NUAK1: variants seen among roughly 807,000 people sequenced by gnomAD.
NUAK1 encodes the protein NUAK family kinase 1, also known as NUAK family SNF1-like kinase 1.
Under a neutral mutation model 56.9 loss-of-function variants are expected in NUAK1, and 26 were observed. That is an observed-to-expected ratio of 0.46 (90% CI 0.33 to 0.63). NUAK1 has a LOEUF of 0.63. Among genes scored for constraint, NUAK1 ranks in the 30% least tolerant of loss-of-function variants. NUAK1 has a pLI of 0.02. For synonymous variants in NUAK1, 337 were observed against 336.0 expected, an observed-to-expected ratio of 1.00 and a Z score of -0.03; for missense variants, 727 against 876.1, an observed-to-expected ratio of 0.83 and a Z score of 2.15.
At position 106,083,826 on chromosome 12, in the gene NUAK1, C is replaced by T. The variant is rs765520077; in HGVS notation, c.579+38G>A. The stretch of plus-strand genomic sequence containing the variant: ...TAAGCCTCCATCCGGCTGCAAGACC[C>T]AGGCCCTGCATATCAATCGACGACG... On this transcript the variant is annotated intron_variant, in intron 4 of 6. Transcript: ENST00000261402. 4 of 1,575,884 alleles carry T rather than the reference C, an allele frequency of 2.5e-6. No individual in the cohort carries two copies. In the South Asian group the frequency reaches 4.4e-5, roughly 17 times the overall value.
At chr12:106,127,770 G>C (rs1045569589) in intron 1 of NUAK1, among the ~76,000 whole-genome samples, 1 of 152,080 alleles carries the variant, frequency 6.6e-6, no homozygotes, top group Admixed American at 6.5e-5. Context: ...CTCTTCCTAC[G>C]AGCTGGAAGG....
chr12:106,129,560 G>A (rs111438562), intron 1 of NUAK1, among the ~76,000 whole-genome samples: 204 of 152,294 alleles, frequency 1.3e-3, no homozygotes, highest in Admixed American at 4.5e-3. Context: ...GGAAGTGGTG[G>A]TCTGAAGACC....
intron 2 of NUAK1, among the ~76,000 whole-genome samples, chr12:106,102,258 G>T (rs2136469894): frequency 6.6e-6 from 1 of 152,294 alleles, no homozygotes; most frequent in South Asian, 2.1e-4. Flanking sequence ...GAATGCCTTT[G>T]AGAGTCTGAT....
intron 4 of NUAK1, among the ~76,000 whole-genome samples, chr12:106,077,323 A>G (rs2032474497): frequency 6.6e-6 from 1 of 152,218 alleles, no homozygotes; most frequent in Admixed American, 6.5e-5. Flanking sequence ...CCCACCTCAC[A>G]TAGGTAAGAA....
rs940144792 is a variant in NUAK1, at chr12:106,120,436, C to T, written c.241-13911G>A. Among the ~76,000 whole-genome samples, 4 of 151,986 alleles carry T rather than the reference C, an allele frequency of 2.6e-5. No homozygotes were observed. The East Asian group carries it at 7.7e-4, about 29-fold the overall frequency. ...TTTTTATTATTATAATAATAACGAA[C>T]AGACGTTATGCAGAGGCGTGTGCAA... On this transcript the variant is annotated intron_variant, in intron 1 of 6. Transcript: ENST00000261402.
Position 106,065,309 on chromosome 12 carries a change from G to C in NUAK1, c.*1493C>G, listed in dbSNP as rs2032324452. 6.6e-6 allele frequency: 1 copy of C among 152,002 alleles called. No homozygotes were observed. The highest frequency in any genetic ancestry group is 2.4e-5 in the African/African-American group (1 of 41,378). The allele number at this position is 152,002 out of a possible 1,614,324, so 9.4% of individuals were successfully genotyped here. ...CATATCTAGTTTTTTGTTTTGTTTT[G>C]TTTTGTTTTGTTTACTTTTTAAGAT... On this transcript the variant is annotated 3_prime_UTR_variant, in exon 7 of 7. Coordinates refer to ENST00000261402, the MANE Select transcript of NUAK1 (RefSeq NM_014840.3).
At chr12:106,107,711 C>G (rs1329240227) in intron 1 of NUAK1, among the ~76,000 whole-genome samples, 1 of 152,226 alleles carries the variant, frequency 6.6e-6, no homozygotes, top group Admixed American at 6.5e-5. Context: ...CTTTTAGGAG[C>G]ACGTGCTACT....
At chr12:106,133,065 T>A (rs767151392) in intron 1 of NUAK1, among the ~76,000 whole-genome samples, 1 of 152,170 alleles carries the variant, frequency 6.6e-6, no homozygotes, top group Non-Finnish European at 1.5e-5. Flanking sequence ...TTATAAGCAC[T>A]CAAGAAGTAT....
At chr12:106,132,146 A>G (rs1420439381) in intron 1 of NUAK1, among the ~76,000 whole-genome samples, 1 of 152,206 alleles carries the variant, frequency 6.6e-6, no homozygotes, top group East Asian at 1.9e-4. Flanking sequence ...TAACAAATGC[A>G]TGTGCAAACG....
At position 106,066,442 on chromosome 12, in the gene NUAK1, C is replaced by A. The variant is rs369663819; in HGVS notation, c.*360G>T. On this transcript the variant is annotated 3_prime_UTR_variant, in exon 7 of 7. Coordinates refer to ENST00000261402, the MANE Select transcript of NUAK1 (RefSeq NM_014840.3). ...AGGCAAACAGCCCAAGTGTCTCCTG[C>A]CCCTCCTCCAGAAGCATCTGGATGA... The A allele has an allele frequency of 1.2e-3, 273 of 226,512 alleles. 1 individual carries two copies. The highest frequency in any genetic ancestry group is 6.1e-3 in the African/African-American group (259 of 42,802). The allele number at this position is 226,512 out of a possible 1,614,324, so 14.0% of individuals were successfully genotyped here. A position where few individuals can be genotyped will look rare whatever the true frequency, so the allele number is the denominator to read the frequency against.
chr12:106,104,964 T>A lies in NUAK1; in HGVS notation c.361+1441A>T, dbSNP rs141472865. Among the ~76,000 whole-genome samples the A allele has an allele frequency of 1.4e-3, 208 of 152,036 alleles. 1 individual carries two copies. Among genetic ancestry groups the A allele is most frequent in the African/African-American group, 4.8e-3 (200 of 41,478 alleles). On this transcript the variant is annotated intron_variant, in intron 2 of 6. Transcript: ENST00000261402. ...AAAAATAAGTTCATTTTTCTTTTTT[T>A]TTTTTTTTAAACAGAGTCTCACTCT...
chr12:106,084,693 GCTGTCGGTCTACACAGCAGTAAACA>G (rs2032554451), intron 3 of NUAK1, among the ~76,000 whole-genome samples: 1 of 151,890 alleles, frequency 6.6e-6, no homozygotes. Flanking sequence ...CAGCCAATAG[GCTGTCGGTCTACACAGCAGTAAACA>G]CTAGCCTTCT....
rs1167251317 is a variant in NUAK1, at chr12:106,065,309, GT to G, written c.*1492del. ...CATATCTAGTTTTTTGTTTTGTTTT[GT>G]TTTGTTTTGTTTACTTTTTAAGATA... On this transcript the variant is annotated 3_prime_UTR_variant, in exon 7 of 7. Coordinates refer to ENST00000261402, the MANE Select transcript of NUAK1 (RefSeq NM_014840.3). 1 of 152,002 alleles carries G rather than the reference GT, an allele frequency of 6.6e-6. No individual in the cohort carries two copies. The highest frequency in any genetic ancestry group is 1.5e-5 in the Non-Finnish European group (1 of 67,992). The allele number at this position is 152,002 out of a possible 1,614,324, so 9.4% of individuals were successfully genotyped here. A position where few individuals can be genotyped will look rare whatever the true frequency, so the allele number is the denominator to read the frequency against.
At chr12:106,082,193 C>T (rs1034800989) in intron 4 of NUAK1, among the ~76,000 whole-genome samples, 1 of 152,254 alleles carries the variant, frequency 6.6e-6, no homozygotes, top group Non-Finnish European at 1.5e-5. Context: ...CTCCTTGAAA[C>T]AAAAATGAAC....
At chr12:106,082,038 G>A (rs1236536421) in intron 4 of NUAK1, among the ~76,000 whole-genome samples, 4 of 152,210 alleles carry the variant, frequency 2.6e-5, no homozygotes, top group Non-Finnish European at 5.9e-5. Flanking sequence ...CCTCTCCAGT[G>A]GCCAGCCACT....
intron 1 of NUAK1, among the ~76,000 whole-genome samples, chr12:106,132,941 CTG>C (rs1052045611): frequency 1.3e-5 from 2 of 152,192 alleles, no homozygotes; most frequent in Non-Finnish European, 2.9e-5. Flanking sequence ...CTGCTGCTGC[CTG>C]TGACCTTGAG....
chr12:106,067,426 G>C lies in NUAK1; in HGVS notation c.1362C>G (p.Leu454=). ...SSPEAEVPGK[L]SPKQSATMPK... is the part of the protein sequence containing the mutation. ...GCATCGTGGCCGACTGCTTGGGGCTGAGTTTTCCCGGCACCTCTGCCTCTG... is the reference window on the plus strand; with the variant it reads ...GCATCGTGGCCGACTGCTTGGGGCTCAGTTTTCCCGGCACCTCTGCCTCTG... Residue 454 remains leucine, a synonymous_variant, in exon 7 of 7, where the codon CTC becomes CTG. Transcript: ENST00000261402. This position sits in a 1 kb window ranked among gnomAD's most constrained non-coding sequence, Gnocchi z 6.0. The C allele has an allele frequency of 1.2e-6, 2 of 1,614,206 alleles. No individual in the cohort carries two copies. The highest frequency in any genetic ancestry group is 2.2e-5 in the South Asian group (2 of 91,082).
intron 3 of NUAK1, 89 bp downstream of exon 3, chr12:106,086,645 A>C: frequency 7.3e-7 from 1 of 1,378,328 alleles, no homozygotes; most frequent in Non-Finnish European, 9.8e-7. Flanking sequence ...TGCTCCCATG[A>C]ACAGATATCA....
Position 106,067,453 on chromosome 12 carries a change from T to A in NUAK1, c.1335A>T (p.Ser445=). Residue 445 remains serine (S), a synonymous_variant, in exon 7 of 7, where the codon TCA becomes TCT. Coordinates refer to ENST00000261402, the MANE Select transcript of NUAK1 (RefSeq NM_014840.3). The surrounding 1 kb of genome is among the most constrained non-coding windows in gnomAD (Gnocchi z 6.0). ...LCRTGVLLPS[S]PEAEVPGKLS... Reference sequence around the variant, plus strand: ...GTTTTCCCGGCACCTCTGCCTCTGGTGAGCTTGGGAGGAGCACGCCAGTCC... The same window carrying A: ...GTTTTCCCGGCACCTCTGCCTCTGGAGAGCTTGGGAGGAGCACGCCAGTCC... 6.2e-7 allele frequency: 1 copy of A among 1,614,130 alleles called. No individual in the cohort carries two copies. The highest frequency in any genetic ancestry group is 8.5e-7 in the Non-Finnish European group (1 of 1,180,014).
Sources: gnomAD v4.1 joint callset for allele counts (sites outside exome capture counted in the v4.1 genomes callset) on GRCh38, gnomAD v4.1.1 for gene constraint, Gnocchi (gnomAD v3.1) non-coding constraint, MANE v1.5 for transcripts, NCBI Gene and HGNC (gene_info 2026-07-23, HGNC 2026-07-21) for gene names.